The following KDM5A variants were observed in gnomAD, a reference collection of about 807,000 sequenced individuals.
KDM5A encodes lysine demethylase 5A.
A neutral mutation model predicts 193.5 loss-of-function variants in KDM5A; 42 were observed. That is an observed-to-expected ratio of 0.22 (90% confidence interval 0.17 to 0.28). The LOEUF (loss-of-function observed/expected upper bound fraction) is 0.28. Ranked by LOEUF, KDM5A falls within the 10% of genes least tolerant of loss-of-function variation. KDM5A has a pLI of 1.00. For synonymous variants in KDM5A, 796 were observed against 718.1 expected, an observed-to-expected ratio of 1.11 and a Z score of -1.73; for missense variants, 1,692 against 2,055.1, an observed-to-expected ratio of 0.82 and a Z score of 3.42.
chr12:364,434 G>A (rs753289668), intron 4 of KDM5A, among the ~76,000 whole-genome samples: 19 of 150,396 alleles, frequency 1.3e-4, no homozygotes, highest in Non-Finnish European at 2.5e-4. Flanking sequence ...CCGAGTTCAC[G>A]CCACTGCACT....
At chr12:381,829 CA>C (rs1244731529) in intron 3 of KDM5A, among the ~76,000 whole-genome samples, 1 of 151,422 alleles carries the variant, frequency 6.6e-6, no homozygotes, top group Non-Finnish European at 1.5e-5. Context: ...TTTTTGGAAA[CA>C]GGGTCTTGCT....
chr12:334,437 A>G lies in KDM5A; in HGVS notation c.1309-15T>C, dbSNP rs781328809. ...AGTGCATATTCCTATAAGAGAAGAA[A>G]AAACTGTAAATGAAAGATCAGAAAT... On this transcript the variant is annotated splice_polypyrimidine_tract_variant and intron_variant, in intron 10 of 27. Transcript: ENST00000399788. 3 of 1,606,032 alleles carry G rather than the reference A, an allele frequency of 1.9e-6. No homozygotes were observed. Among genetic ancestry groups the G allele is most frequent in the Non-Finnish European group, 2.6e-6 (3 of 1,173,060 alleles).
At position 284,009 on chromosome 12, in the gene KDM5A, C is replaced by T. The variant is rs749999348; in HGVS notation, c.*1447G>A. On this transcript the variant is annotated 3_prime_UTR_variant, in exon 28 of 28. Coordinates refer to ENST00000399788, the MANE Select transcript of KDM5A (RefSeq NM_001042603.3). ...GACCAAGTTTCCCAACAGACAGGGA[C>T]AAGTCCCAACACACAAAGGACATAT... 4 of 233,084 alleles carry T rather than the reference C, an allele frequency of 1.7e-5. No homozygotes were observed. The highest frequency in any genetic ancestry group is 3.4e-5 in the Non-Finnish European group (4 of 117,858). 14.4% of individuals were successfully genotyped at this position (233,084 alleles called of 1,614,324 possible). A position where few individuals can be genotyped will look rare whatever the true frequency, so the allele number is the denominator to read the frequency against.
intron 5 of KDM5A, among the ~76,000 whole-genome samples, chr12:360,461 G>A (rs1223463737): frequency 2.0e-5 from 3 of 151,964 alleles, no homozygotes; most frequent in African/African-American, 4.8e-5. Context: ...AGAAGAGAAA[G>A]GTATCACACA....
chr12:379,997 G>A (rs1260461761), intron 3 of KDM5A, among the ~76,000 whole-genome samples: 14 of 151,938 alleles, frequency 9.2e-5, no homozygotes, highest in Middle Eastern at 3.4e-3. Context: ...AGCCGGGCAC[G>A]GTGGCTTGCA....
rs1428957566 is a variant in KDM5A at position 307,318 on chromosome 12, T to C, written c.3930+136A>G. 8.4e-6 allele frequency: 9 copies of C among 1,066,868 alleles called. No individual in the cohort carries two copies. The highest frequency in any genetic ancestry group is 2.9e-4 in the Middle Eastern group (1 of 3,498). 66.1% of individuals were successfully genotyped at this position (1,066,868 alleles called of 1,614,324 possible). A position where few individuals can be genotyped will look rare whatever the true frequency, so the allele number is the denominator to read the frequency against. ...TCCAAAAAAAGTGCTATAGTGTATG[T>C]TGAAGGAGAATGCAATGGATAATTG... is the stretch of plus-strand genomic sequence containing the variant. On this transcript the variant is annotated intron_variant, in intron 23 of 27. Coordinates refer to ENST00000399788, the MANE Select transcript of KDM5A (RefSeq NM_001042603.3). The surrounding 1 kb of genome is among the most constrained non-coding windows in gnomAD (Gnocchi z 4.3).
chr12:370,166 G>GT (rs1296499501), intron 3 of KDM5A, among the ~76,000 whole-genome samples: 2 of 152,202 alleles, frequency 1.3e-5, no homozygotes, highest in African/African-American at 2.4e-5. Flanking sequence ...GCCGAGGCAG[G>GT]TGGATCACCT....
intron 26 of KDM5A, among the ~76,000 whole-genome samples, chr12:295,058 C>A (rs1943351648): frequency 6.6e-6 from 1 of 152,190 alleles, no homozygotes. Context: ...TTTCCCCTAT[C>A]TCTGAGCCCT....
chr12:284,342 G>C lies in KDM5A; in HGVS notation c.*1114C>G. 8.8e-6 allele frequency: 2 copies of C among 228,410 alleles called. No individual in the cohort carries two copies. The highest frequency in any genetic ancestry group is 1.7e-5 in the Non-Finnish European group (2 of 115,454). 14.1% of individuals were successfully genotyped at this position (228,410 alleles called of 1,614,324 possible). On this transcript the variant is annotated 3_prime_UTR_variant, in exon 28 of 28. Transcript: ENST00000399788. ...CAAGTCCTTTTTTTTTTTTAAAAAT[G>C]GATTTACTAAAACAACTTCATCACC...
rs1176727353 is a variant in KDM5A at position 356,557 on chromosome 12, C to T, written c.673-20G>A. 3 of 1,468,000 alleles carry T rather than the reference C, an allele frequency of 2.0e-6. No homozygotes were observed. The highest frequency in any genetic ancestry group is 3.3e-5 in the Admixed American group (2 of 59,830). 90.9% of individuals were successfully genotyped at this position (1,468,000 alleles called of 1,614,324 possible). A position where few individuals can be genotyped will look rare whatever the true frequency, so the allele number is the denominator to read the frequency against. ...TTCTGACTAAAAAATAAGCAAAATT[C>T]ACATTAGCATAATCATGCTGATTCA... On this transcript the variant is annotated intron_variant, in intron 5 of 27. Transcript: ENST00000399788.
At chr12:304,091 T>A (rs1238789075) in intron 24 of KDM5A, among the ~76,000 whole-genome samples, 2 of 152,230 alleles carry the variant, frequency 1.3e-5, no homozygotes, top group Non-Finnish European at 2.9e-5. Context: ...ATGATTCTCC[T>A]TGAAATTAGT....
At chr12:383,907 C>T (rs1442849500) in intron 3 of KDM5A, 124 bp downstream of exon 3, 4 of 1,066,082 alleles carry the variant, frequency 3.8e-6, no homozygotes, top group Non-Finnish European at 5.7e-6. Context: ...CGCCACCATA[C>T]CCAGCTAGTG....
chr12:318,563 T>G, intron 18 of KDM5A, 102 bp from the exon 19 acceptor site: 1 of 796,026 alleles, frequency 1.3e-6, no homozygotes, highest in Non-Finnish European at 2.1e-6. Context: ...TCTAGACTCT[T>G]ATAATCTCAC....
chr12:308,894 C>T (rs1452579131), intron 22 of KDM5A, among the ~76,000 whole-genome samples: 2 of 152,136 alleles, frequency 1.3e-5, no homozygotes, highest in Non-Finnish European at 1.5e-5. Flanking sequence ...TTCCTCCTAT[C>T]CTCCAAAAAA....
At chr12:293,805 T>C (rs1433983368) in intron 26 of KDM5A, among the ~76,000 whole-genome samples, 1 of 145,616 alleles carries the variant, frequency 6.9e-6, no homozygotes, top group African/African-American at 2.5e-5. Context: ...GGGGGGGATT[T>C]ATGTTATTCT....
intron 14 of KDM5A, among the ~76,000 whole-genome samples, chr12:327,546 C>T (rs1943806626): frequency 6.6e-6 from 1 of 152,062 alleles, no homozygotes; most frequent in Non-Finnish European, 1.5e-5. Context: ...CCCATCTCTA[C>T]TAAAAATACA....
intron 24 of KDM5A, among the ~76,000 whole-genome samples, chr12:298,019 C>G (rs1943395482): frequency 6.6e-6 from 1 of 152,194 alleles, no homozygotes; most frequent in African/African-American, 2.4e-5. Context: ...GGCAGGGCAT[C>G]TCTGAAAAAA....
intron 21 of KDM5A, among the ~76,000 whole-genome samples, chr12:310,612 C>T (rs1175576560): frequency 6.6e-6 from 1 of 152,034 alleles, no homozygotes; most frequent in South Asian, 2.1e-4. Context: ...CCAGTCTGGG[C>T]GACAGGGCAA....
At chr12:316,125 T>G (rs755559700) in intron 19 of KDM5A, among the ~76,000 whole-genome samples, 4 of 152,214 alleles carry the variant, frequency 2.6e-5, no homozygotes, top group Admixed American at 1.3e-4. Flanking sequence ...TAACCAATAC[T>G]AAGAGATCAA....
Sources: allele counts gnomAD v4.1 joint callset (sites outside exome capture counted in the v4.1 genomes callset), GRCh38; gene constraint gnomAD v4.1.1; non-coding constraint Gnocchi (gnomAD v3.1); transcripts MANE v1.5; gene names NCBI Gene and HGNC (gene_info 2026-07-23, HGNC 2026-07-21).